Variants in PRKCA observed in about 807,000 individuals in gnomAD.
The protein encoded by PRKCA is protein kinase C alpha.
In PRKCA, 27 loss-of-function variants were observed where a neutral mutation model predicts 87.0. The ratio of observed to expected loss-of-function variants is 0.31; its 90% CI spans 0.23 to 0.43. The LOEUF is 0.43. Ranked by LOEUF, PRKCA falls within the 20% of genes least tolerant of loss-of-function variation. The probability of loss-of-function intolerance (pLI) is 1.00; values close to 1 mark genes in which losing one functional copy is unlikely to be tolerated. For synonymous variants in PRKCA, 329 were observed against 311.1 expected (o/e 1.06, Z -0.61); for missense variants, 518 against 852.3 (o/e 0.61, Z 4.88).
chr17:66,382,210 C>T (rs547271538), intron 2 of PRKCA, among the ~76,000 whole-genome samples: 2 of 152,178 alleles, frequency 1.3e-5, no homozygotes, highest in African/African-American at 4.8e-5. Flanking sequence ...AGAGACAGAC[C>T]TGCTAGTCTT....
chr17:66,755,835 C>T (rs187456831), intron 13 of PRKCA, among the ~76,000 whole-genome samples: 48 of 152,248 alleles, frequency 3.2e-4, no homozygotes, highest in Middle Eastern at 3.4e-3. Context: ...ATTTCCTGAC[C>T]AGTGCACCAG....
intron 2 of PRKCA, among the ~76,000 whole-genome samples, chr17:66,332,138 C>T (rs1906363965): frequency 6.6e-6 from 1 of 151,512 alleles, no homozygotes; most frequent in Non-Finnish European, 1.5e-5. Context: ...TTGGAATAGA[C>T]CATGGGAATT....
chr17:66,596,673 G>A (rs1969990614), intron 3 of PRKCA, among the ~76,000 whole-genome samples: 1 of 102,128 alleles, frequency 9.8e-6, no homozygotes, highest in South Asian at 4.0e-4. Context: ...CTGGTGCGCT[G>A]CACCCACTAA....
At position 66,617,961 on chromosome 17, in the gene PRKCA, C is replaced by T. The variant is rs1423134901; in HGVS notation, c.289-23394C>T. Among the ~76,000 whole-genome samples, 8 of 152,286 alleles carry T rather than the reference C, an allele frequency of 5.3e-5. No individual in the cohort carries two copies. The South Asian group carries it at 1.2e-3, about 24-fold the overall frequency. ...TGTCATGAAAATTTAGTTGCCCCAA[C>T]GTGGTGCCCTGTTGATTTTTAAGTC... is the stretch of plus-strand genomic sequence containing the variant. On this transcript the variant is annotated intron_variant, in intron 3 of 16. Transcript: ENST00000413366.
chr17:66,805,007 A>T lies in PRKCA; in HGVS notation c.*970A>T. The T allele has an allele frequency of 1.0e-6, 1 of 985,248 alleles. No homozygotes were observed. The highest frequency in any genetic ancestry group is 4.7e-5 in the South Asian group (1 of 21,280). The allele number at this position is 985,248 out of a possible 1,614,324, so 61.0% of individuals were successfully genotyped here. On this transcript the variant is annotated 3_prime_UTR_variant, in exon 17 of 17. Transcript: ENST00000413366. ...CTCCCCTTTTGTGCTTATTTATTTA[A>T]TAGGCTGCAGTGTCGCTTATGAAAG...
intron 13 of PRKCA, among the ~76,000 whole-genome samples, chr17:66,745,268 G>A (rs1437322085): frequency 6.6e-6 from 1 of 152,218 alleles, no homozygotes; most frequent in African/African-American, 2.4e-5. Flanking sequence ...AGAATACTCT[G>A]TTCTTGCTCT....
At chr17:66,660,541 C>A (rs940456267) in intron 5 of PRKCA, among the ~76,000 whole-genome samples, 26 of 152,056 alleles carry the variant, frequency 1.7e-4, no homozygotes, top group African/African-American at 7.2e-5. Context: ...CATTTTCATG[C>A]ATAAAAACCA....
chr17:66,493,139 C>T (rs1378460471), intron 2 of PRKCA, among the ~76,000 whole-genome samples: 8 of 152,020 alleles, frequency 5.3e-5, no homozygotes, highest in Admixed American at 1.3e-4. Context: ...ATCATGAGTA[C>T]CTTTAAAATG....
At chr17:66,636,835 T>C (rs542646128) in intron 3 of PRKCA, among the ~76,000 whole-genome samples, 181 of 152,244 alleles carry the variant, frequency 1.2e-3, no homozygotes, top group African/African-American at 2.6e-3. Context: ...GGGACTGGGG[T>C]CAGAACACAG....
chr17:66,687,347 G>A, intron 6 of PRKCA, 80 bp downstream of exon 6: 3 of 1,451,634 alleles, frequency 2.1e-6, no homozygotes, highest in East Asian at 2.3e-5. Flanking sequence ...TAATGAAGTA[G>A]GTTCATTATA....
intron 2 of PRKCA, among the ~76,000 whole-genome samples, chr17:66,487,359 T>C (rs961769679): frequency 2.6e-5 from 4 of 152,212 alleles, no homozygotes; most frequent in Non-Finnish European, 4.4e-5. Flanking sequence ...ATTTCATTCT[T>C]TTTTATGGTT....
intron 16 of PRKCA, among the ~76,000 whole-genome samples, chr17:66,797,640 G>T (rs1975699653): frequency 6.6e-6 from 1 of 152,168 alleles, no homozygotes; most frequent in Non-Finnish European, 1.5e-5. Flanking sequence ...GCAGAGAGAT[G>T]CACTGAGTTT....
At chr17:66,694,467 C>A (rs1286389398) in intron 8 of PRKCA, among the ~76,000 whole-genome samples, 1 of 111,790 alleles carries the variant, frequency 8.9e-6, no homozygotes, top group Non-Finnish European at 1.6e-5. Context: ...GGCGACAGAG[C>A]GAGACTCTGT....
chr17:66,604,139 G>T (rs1024221097), intron 3 of PRKCA, among the ~76,000 whole-genome samples: 19 of 152,132 alleles, frequency 1.2e-4, no homozygotes, highest in African/African-American at 4.3e-4. Flanking sequence ...TTGCTGTTAG[G>T]AGCCACTCCT....
At position 66,804,919 on chromosome 17, in the gene PRKCA, A is replaced by C. The variant is rs1029983977; in HGVS notation, c.*882A>C. On this transcript the variant is annotated 3_prime_UTR_variant, in exon 17 of 17. Transcript: ENST00000413366. Reference sequence around the variant, plus strand: ...GTGTTGTTCACCAACACCCACCCCCACACACACCAACATTTTGCTGCCTAC... The same window carrying C: ...GTGTTGTTCACCAACACCCACCCCCCCACACACCAACATTTTGCTGCCTAC... The C allele has an allele frequency of 1.7e-5, 15 of 894,736 alleles. No homozygotes were observed. The highest frequency in any genetic ancestry group is 1.2e-4 in the East Asian group (1 of 8,380). The allele number at this position is 894,736 out of a possible 1,614,324, so 55.4% of individuals were successfully genotyped here. A position where few individuals can be genotyped will look rare whatever the true frequency, so the allele number is the denominator to read the frequency against.
intron 1 of PRKCA, among the ~76,000 whole-genome samples, chr17:66,303,949 G>C (rs1904656492): frequency 6.6e-6 from 1 of 152,196 alleles, no homozygotes; most frequent in African/African-American, 2.4e-5. Context: ...GCAGTGAGCC[G>C]AGATCGGGCC....
intron 2 of PRKCA, among the ~76,000 whole-genome samples, chr17:66,388,507 T>A (rs1422836168): frequency 6.6e-6 from 1 of 152,168 alleles, no homozygotes; most frequent in Non-Finnish European, 1.5e-5. Context: ...TTGATTAGGC[T>A]GGTCTCGAAC....
intron 2 of PRKCA, chr17:66,415,029 A>G (rs896248346): frequency 6.6e-6 from 1 of 152,148 alleles, no homozygotes; most frequent in Non-Finnish European, 1.5e-5. Flanking sequence ...CTCGGTGCTC[A>G]TAGAATGAGT....
intron 8 of PRKCA, among the ~76,000 whole-genome samples, chr17:66,722,911 A>G (rs534722046): frequency 1.2e-3 from 181 of 152,300 alleles, no homozygotes; most frequent in Non-Finnish European, 1.9e-3. Flanking sequence ...TGTAGTTCCC[A>G]TTTTTATTTC....
Sources: allele counts gnomAD v4.1 joint callset (sites outside exome capture counted in the v4.1 genomes callset), GRCh38; gene constraint gnomAD v4.1.1; transcripts MANE v1.5; gene names NCBI Gene and HGNC (gene_info 2026-07-23, HGNC 2026-07-21).